Variants in PCDHAC1 observed in about 807,000 individuals in gnomAD.
PCDHAC1 encodes protocadherin alpha-C1.
PCDHAC1 carries 42 observed loss-of-function variants against 60.0 expected under a neutral mutation model. That is an observed-to-expected ratio of 0.70 (90% confidence interval 0.55 to 0.90). PCDHAC1 has a LOEUF of 0.90. Among genes scored for constraint, PCDHAC1 ranks in the 40% least tolerant of loss-of-function variants. The pLI, the probability that PCDHAC1 is intolerant of heterozygous loss-of-function variation, is 0.00. For missense variants in PCDHAC1, 1,160 were observed against 1,222.3 expected (o/e 0.95, Z 0.76); for synonymous variants, 468 against 499.3 (o/e 0.94, Z 0.84).
At position 140,928,385 on chromosome 5, in the gene PCDHAC1, T is replaced by G; in HGVS notation, c.1493T>G (p.Leu498Arg). The G allele has an allele frequency of 6.2e-7, 1 of 1,614,046 alleles. No individual in the cohort carries two copies. Among genetic ancestry groups the G allele is most frequent in the Middle Eastern group, 1.7e-4 (1 of 6,060 alleles). ...GAAGGGCCATCAGCCTCTAGCTTGC[T>G]GGCAGTGGAATCATCCAGTGGGGCC... ...ISEGPSASSL[L>R]AVESSSGAIT... Residue 498 changes from leucine to arginine, a missense_variant, in exon 1 of 4, where the codon CTG (leucine) becomes CGG (arginine). Physicochemically the swap from Leu to Arg is moderately radical, Grantham distance 102. Transcript: ENST00000253807.
chr5:140,928,712 G>T lies in PCDHAC1; in HGVS notation c.1820G>T (p.Ser607Ile). 1.2e-6 allele frequency: 2 copies of T among 1,614,168 alleles called. No homozygotes were observed. Among genetic ancestry groups the T allele is most frequent in the Non-Finnish European group, 1.7e-6 (2 of 1,180,042 alleles). ...SYHISRASDSSLFRISANIGE... is the reference protein window; with the variant it reads ...SYHISRASDSILFRISANIGE... ...CACATCTCCCGGGCGTCTGACTCTA[G>T]TCTCTTTAGAATTTCAGCCAATATA... Residue 607 changes from serine to isoleucine, a missense_variant, in exon 1 of 4, where the codon AGT (serine) becomes ATT (isoleucine). This residue lies in a region of PCDHAC1 where 1,113 missense variants were observed against 1,163.7 expected (regional missense o/e 0.96). Coordinates refer to ENST00000253807, the MANE Select transcript of PCDHAC1 (RefSeq NM_018898.5).
chr5:140,944,472 G>C (rs1554216383), intron 1 of PCDHAC1, among the ~76,000 whole-genome samples: 2 of 152,220 alleles, frequency 1.3e-5, no homozygotes, highest in Non-Finnish European at 2.9e-5. Context: ...CAGGTATGAG[G>C]CACTGGACTG....
chr5:140,990,758 C>G (rs1432023166), intron 3 of PCDHAC1, among the ~76,000 whole-genome samples: 1 of 152,162 alleles, frequency 6.6e-6, no homozygotes, highest in African/African-American at 2.4e-5. Flanking sequence ...ACCTTTGAGC[C>G]TGTAAATTTG....
At chr5:140,982,364 T>A in intron 2 of PCDHAC1, 111 bp from the exon 3 acceptor site, 1 of 1,534,660 alleles carries the variant, frequency 6.5e-7, no homozygotes, top group Non-Finnish European at 8.8e-7. Flanking sequence ...ATGAGCAGAA[T>A]GTGTTAGCTG....
intron 1 of PCDHAC1, among the ~76,000 whole-genome samples, chr5:140,972,289 G>A (rs548610825): frequency 1.5e-3 from 229 of 151,134 alleles, no homozygotes; most frequent in Non-Finnish European, 2.1e-3. Flanking sequence ...ATAGATGTGC[G>A]CCACCGTGTC....
Position 140,967,394 on chromosome 5 carries a change from G to C in PCDHAC1, c.2434-11555G>C, listed in dbSNP as rs1379450273. On this transcript the variant is annotated intron_variant, in intron 1 of 3. Coordinates refer to ENST00000253807, the MANE Select transcript of PCDHAC1 (RefSeq NM_018898.5). ...GGAGAACAGTAAAGTGCTTGAGCTGGTGCTGCGTAAGGGCCTAGACCGGGA... is the reference window on the plus strand; with the variant it reads ...GGAGAACAGTAAAGTGCTTGAGCTGCTGCTGCGTAAGGGCCTAGACCGGGA... 4 of 1,609,940 alleles carry C rather than the reference G, an allele frequency of 2.5e-6. No homozygotes were observed. In the African/African-American group the frequency reaches 4.0e-5, roughly 16 times the overall value.
intron 1 of PCDHAC1, chr5:140,969,211 A>T: frequency 6.2e-7 from 1 of 1,614,206 alleles, no homozygotes; most frequent in Non-Finnish European, 8.5e-7. Context: ...GGGCCCAGAC[A>T]GGACCAGGGC....
chr5:140,953,713 A>T (rs1372806666), intron 1 of PCDHAC1, among the ~76,000 whole-genome samples: 1 of 152,218 alleles, frequency 6.6e-6, no homozygotes, highest in Admixed American at 6.5e-5. Context: ...TGAGCTTCAG[A>T]CATTGTGTTT....
intron 1 of PCDHAC1, among the ~76,000 whole-genome samples, chr5:140,947,220 T>A (rs531697572): frequency 6.6e-6 from 1 of 151,686 alleles, no homozygotes; most frequent in East Asian, 1.9e-4. Flanking sequence ...ATCCTGTCAT[T>A]TATGACAGGA....
chr5:140,939,240 AGGT>A (rs1314261929), intron 1 of PCDHAC1, among the ~76,000 whole-genome samples: 2 of 152,170 alleles, frequency 1.3e-5, no homozygotes, highest in African/African-American at 4.8e-5. Context: ...GGAAGGAGCA[AGGT>A]AGCTCTCTGG....
chr5:140,943,605 CTT>C (rs1232110768), intron 1 of PCDHAC1, among the ~76,000 whole-genome samples: 5 of 152,064 alleles, frequency 3.3e-5, no homozygotes, highest in African/African-American at 1.2e-4. Context: ...TAAATATAGA[CTT>C]TGATTCATCT....
intron 3 of PCDHAC1, among the ~76,000 whole-genome samples, chr5:141,005,068 A>C (rs1314916800): frequency 6.6e-6 from 1 of 152,256 alleles, no homozygotes. Flanking sequence ...GCATTGTGCT[A>C]AGGATCAAGC....
At chr5:140,956,504 T>C (rs577559329) in intron 1 of PCDHAC1, among the ~76,000 whole-genome samples, 1 of 152,352 alleles carries the variant, frequency 6.6e-6, no homozygotes, top group South Asian at 2.1e-4. Context: ...TGAAGCCTAC[T>C]TGATCATGGT....
At chr5:140,991,716 A>G (rs1287772391) in intron 3 of PCDHAC1, among the ~76,000 whole-genome samples, 1 of 152,164 alleles carries the variant, frequency 6.6e-6, no homozygotes, top group East Asian at 1.9e-4. Flanking sequence ...TATTGCTACT[A>G]GCAGCCTGTT....
intron 2 of PCDHAC1, among the ~76,000 whole-genome samples, chr5:140,981,680 C>G (rs1238332235): frequency 6.6e-6 from 1 of 151,746 alleles, no homozygotes; most frequent in Non-Finnish European, 1.5e-5. Context: ...CTTCCTTCCT[C>G]CCTTCCATCA....
At position 140,928,694 on chromosome 5, in the gene PCDHAC1, C is replaced by T; in HGVS notation, c.1802C>T (p.Ser601Phe). ...AATGCCTGGCTTTCCTACCACATCT[C>T]CCGGGCGTCTGACTCTAGTCTCTTT... ...GSNAWLSYHI[S>F]RASDSSLFRI... The change falls in exon 1 of 4, where the codon TCC becomes TTC. Residue 601 changes from serine (S) to phenylalanine (F), a missense_variant. Ser to Phe is a radical substitution (Grantham distance 155). This residue lies in a region of PCDHAC1 where 1,113 missense variants were observed against 1,163.7 expected (regional missense o/e 0.96). Transcript: ENST00000253807. 1 of 1,614,166 alleles carries T rather than the reference C, an allele frequency of 6.2e-7. No homozygotes were observed. Among genetic ancestry groups the T allele is most frequent in the South Asian group, 1.1e-5 (1 of 91,082 alleles).
chr5:141,007,671 A>G (rs1161141271), intron 3 of PCDHAC1, among the ~76,000 whole-genome samples: 1 of 152,184 alleles, frequency 6.6e-6, no homozygotes, highest in African/African-American at 2.4e-5. Context: ...TTACAAAGAC[A>G]AAAGTTATCC....
At chr5:140,987,515 T>TA (rs2097257557) in intron 3 of PCDHAC1, among the ~76,000 whole-genome samples, 1 of 152,160 alleles carries the variant, frequency 6.6e-6, no homozygotes, top group African/African-American at 2.4e-5. Flanking sequence ...TGCCACTCAG[T>TA]AATTGTATGT....
At position 140,993,463 on chromosome 5, in the gene PCDHAC1, CA is replaced by C. The variant is rs1563591979; in HGVS notation, c.2581+10901del. ...ATTCCTGTTCTCCTTCTTTCTTTCTCACACACACACACACACACACACACAC... is the reference window on the plus strand; with the variant it reads ...ATTCCTGTTCTCCTTCTTTCTTTCTCCACACACACACACACACACACACAC... On this transcript the variant is annotated intron_variant, in intron 3 of 3. Coordinates refer to ENST00000253807, the MANE Select transcript of PCDHAC1 (RefSeq NM_018898.5). Among the ~76,000 whole-genome samples the C allele has an allele frequency of 9.6e-3, 73 of 7,582 alleles. 1 individual carries two copies. The highest frequency in any genetic ancestry group is 0.047 in the African/African-American group (71 of 1,514). 5.0% of individuals were successfully genotyped at this position (7,582 alleles called of 152,430 possible).
Sources: allele counts gnomAD v4.1 joint callset (sites outside exome capture counted in the v4.1 genomes callset), GRCh38; gene constraint gnomAD v4.1.1; regional missense constraint gnomAD v4.1.1; transcripts MANE v1.5; gene names NCBI Gene and HGNC (gene_info 2026-07-23, HGNC 2026-07-21).